Variants in MAST4 observed in about 807,000 individuals in gnomAD.
The protein encoded by MAST4 is microtubule-associated serine/threonine-protein kinase 4.
Under a neutral mutation model 162.7 loss-of-function variants are expected in MAST4, and 89 were observed. That is an observed-to-expected ratio of 0.55 (90% CI 0.46 to 0.65). MAST4 has a LOEUF of 0.65. MAST4 is among the 30% of genes least tolerant of loss of function. The probability of loss-of-function intolerance (pLI) is 0.00; values close to 1 mark genes in which losing one functional copy is unlikely to be tolerated. For missense variants in MAST4, 3,153 were observed against 3,374.0 expected (o/e 0.93, Z 1.62); for synonymous variants, 1,479 against 1,361.1 (o/e 1.09, Z -1.91).
chr5:66,613,727 C>T (rs1743450646), intron 1 of MAST4, among the ~76,000 whole-genome samples: 1 of 152,132 alleles, frequency 6.6e-6, no homozygotes, highest in South Asian at 2.1e-4. Context: ...GTGGTTTCTC[C>T]AGGCCTCAAA....
At chr5:66,975,083 A>G (rs577676191) in intron 4 of MAST4, among the ~76,000 whole-genome samples, 3 of 152,258 alleles carry the variant, frequency 2.0e-5, no homozygotes, top group South Asian at 4.2e-4. Context: ...CCTAAATTCA[A>G]TCATAAGTGC....
At chr5:66,609,392 C>CT (rs373893029) in intron 1 of MAST4, among the ~76,000 whole-genome samples, 87,967 of 128,504 alleles carry the variant, frequency 0.68, 30,589 homozygotes, top group Non-Finnish European at 0.71. Context: ...CAATGCACTA[C>CT]TTTTTTTTTT....
chr5:66,797,485 A>G (rs937288571), intron 3 of MAST4, among the ~76,000 whole-genome samples: 13 of 152,164 alleles, frequency 8.5e-5, no homozygotes, highest in African/African-American at 2.4e-4. Context: ...ATTCTGAATC[A>G]GTGTGTTCCC....
At chr5:66,685,890 G>T (rs537293812) in intron 1 of MAST4, among the ~76,000 whole-genome samples, 3 of 152,230 alleles carry the variant, frequency 2.0e-5, no homozygotes, top group East Asian at 1.9e-4. Context: ...GAGGGGTTTG[G>T]GGGGATGGTT....
intron 1 of MAST4, among the ~76,000 whole-genome samples, chr5:66,701,071 A>T (rs1453688622): frequency 6.6e-6 from 1 of 152,168 alleles, no homozygotes; most frequent in Non-Finnish European, 1.5e-5. Context: ...TAATGTAATT[A>T]AGTAATTACC....
chr5:66,926,562 C>CTATG (rs200663380), intron 4 of MAST4, among the ~76,000 whole-genome samples: 2 of 127,102 alleles, frequency 1.6e-5, no homozygotes, highest in Non-Finnish European at 3.5e-5. Context: ...CTCTCTTTCT[C>CTATG]TCTCTATATA....
intron 1 of MAST4, among the ~76,000 whole-genome samples, chr5:66,642,740 T>G (rs755841824): frequency 6.6e-6 from 1 of 152,204 alleles, no homozygotes; most frequent in Non-Finnish European, 1.5e-5. Flanking sequence ...CTGAGAATAC[T>G]CAGCTCTGAG....
intron 9 of MAST4, 25 bp from the exon 10 acceptor site, chr5:67,104,341 G>T: frequency 6.5e-7 from 1 of 1,531,546 alleles, no homozygotes; most frequent in Non-Finnish European, 9.1e-7. Flanking sequence ...TATTACATCT[G>T]TGTATGTGTG....
intron 1 of MAST4, among the ~76,000 whole-genome samples, chr5:66,641,355 G>A (rs1196480476): frequency 1.3e-5 from 2 of 151,924 alleles, no homozygotes; most frequent in Admixed American, 6.6e-5. Context: ...ACAGAATTTC[G>A]CTATGTTGGC....
intron 5 of MAST4, among the ~76,000 whole-genome samples, chr5:67,078,117 A>G (rs1581464557): frequency 6.6e-6 from 1 of 152,206 alleles, no homozygotes; most frequent in Non-Finnish European, 1.5e-5. Context: ...AAATAAATAA[A>G]TAACTAGAAA....
At chr5:67,062,822 T>A (rs1050630934) in intron 5 of MAST4, among the ~76,000 whole-genome samples, 2 of 152,172 alleles carry the variant, frequency 1.3e-5, no homozygotes, top group East Asian at 3.9e-4. Context: ...TAAAAAAAAA[T>A]ATGTCAGTCT....
intron 1 of MAST4, among the ~76,000 whole-genome samples, chr5:66,700,094 G>T (rs1421641118): frequency 6.6e-6 from 1 of 152,176 alleles, no homozygotes; most frequent in Non-Finnish European, 1.5e-5. Flanking sequence ...CTGTGGCTTT[G>T]CCTCTATTTC....
chr5:67,126,362 G>A (rs962038593), intron 14 of MAST4, among the ~76,000 whole-genome samples: 5 of 152,138 alleles, frequency 3.3e-5, no homozygotes, highest in Admixed American at 2.6e-4. Flanking sequence ...TTCCTCTAGG[G>A]TTTTTATGGT....
chr5:67,130,188 C>A (rs144710911), intron 14 of MAST4, 22 bp from the exon 15 acceptor site: 1 of 1,598,544 alleles, frequency 6.3e-7, no homozygotes. Flanking sequence ...CTGTCAACCC[C>A]AATACTTCTG....
At chr5:67,108,211 T>C (rs537260519) in intron 10 of MAST4, among the ~76,000 whole-genome samples, 1 of 152,350 alleles carries the variant, frequency 6.6e-6, no homozygotes, top group East Asian at 1.9e-4. Context: ...AAAATTCTCA[T>C]TTCTCTTTGA....
chr5:66,970,829 G>T (rs1747339398), intron 4 of MAST4, among the ~76,000 whole-genome samples: 1 of 152,144 alleles, frequency 6.6e-6, no homozygotes, highest in African/African-American at 2.4e-5. Flanking sequence ...TCATTTTACA[G>T]ATGTTAAAAC....
At chr5:66,646,154 C>T (rs2149441757) in intron 1 of MAST4, among the ~76,000 whole-genome samples, 1 of 152,194 alleles carries the variant, frequency 6.6e-6, no homozygotes, top group East Asian at 1.9e-4. Context: ...CTACAACATG[C>T]AGTAGGTAAA....
At chr5:66,733,088 A>G (rs1209984252) in intron 1 of MAST4, among the ~76,000 whole-genome samples, 2 of 152,148 alleles carry the variant, frequency 1.3e-5, no homozygotes, top group Non-Finnish European at 2.9e-5. Flanking sequence ...TTCCAAGGCC[A>G]CATTCTCCAG....
rs538140494 is a variant in MAST4, at chr5:66,857,123, T to A, written c.643-42828T>A. Among the ~76,000 whole-genome samples, 373 of 152,352 alleles carry A rather than the reference T, an allele frequency of 2.4e-3. 2 individuals are homozygous for A. Among genetic ancestry groups the A allele is most frequent in the African/African-American group, 8.7e-3 (360 of 41,592 alleles). On this transcript the variant is annotated intron_variant, in intron 3 of 28. Coordinates refer to ENST00000403625, the MANE Select transcript of MAST4 (RefSeq NM_001164664.2). ...AGCAAACACTGTCATAGATTTGATA[T>A]GCACATTTCTAGTTTGTGTTTTTAT...
Sources: allele counts gnomAD v4.1 joint callset (sites outside exome capture counted in the v4.1 genomes callset), GRCh38; gene constraint gnomAD v4.1.1; transcripts MANE v1.5; gene names NCBI Gene and HGNC (gene_info 2026-07-23, HGNC 2026-07-21).